Variants in PPP3CA observed in about 807,000 individuals in gnomAD.
PPP3CA encodes protein phosphatase 3 catalytic subunit alpha.
In PPP3CA, 14 loss-of-function variants were observed where a neutral mutation model predicts 66.5. The ratio of observed to expected loss-of-function variants is 0.21; its 90% CI spans 0.14 to 0.33. The LOEUF (loss-of-function observed/expected upper bound fraction) is 0.33, where lower values mean the gene tolerates loss of function less well. Ranked by LOEUF, PPP3CA falls within the 10% of genes least tolerant of loss-of-function variation. The probability of loss-of-function intolerance (pLI) is 1.00; values close to 1 mark genes in which losing one functional copy is unlikely to be tolerated. For missense variants in PPP3CA, 317 were observed against 639.5 expected, an observed-to-expected ratio of 0.50 and a Z score of 5.44; for synonymous variants, 232 against 226.2, an observed-to-expected ratio of 1.03 and a Z score of -0.23.
At chr4:101,346,199 G>A (rs1438608276) in intron 1 of PPP3CA, among the ~76,000 whole-genome samples, 2 of 152,156 alleles carry the variant, frequency 1.3e-5, no homozygotes, top group East Asian at 3.9e-4. Flanking sequence ...GAGGGGGAGG[G>A]GGAGGGGGGC....
At chr4:101,100,008 T>C (rs1488271379) in intron 3 of PPP3CA, among the ~76,000 whole-genome samples, 1 of 151,766 alleles carries the variant, frequency 6.6e-6, no homozygotes, top group African/African-American at 2.4e-5. Flanking sequence ...TTATGTGACC[T>C]GAGGAGAGTG....
At chr4:101,088,458 G>A (rs931877376) in intron 6 of PPP3CA, among the ~76,000 whole-genome samples, 2 of 151,644 alleles carry the variant, frequency 1.3e-5, no homozygotes, top group African/African-American at 2.4e-5. Flanking sequence ...GGTGGTGGGC[G>A]CCTGTAGTTC....
intron 11 of PPP3CA, among the ~76,000 whole-genome samples, chr4:101,039,603 C>T (rs938392244): frequency 6.9e-6 from 1 of 144,132 alleles, no homozygotes; most frequent in African/African-American, 2.5e-5. Context: ...TCATCCTTCT[C>T]ATGGCTACCT....
chr4:101,097,977 G>A (rs1410999337), intron 5 of PPP3CA, among the ~76,000 whole-genome samples: 2 of 152,152 alleles, frequency 1.3e-5, no homozygotes, highest in Non-Finnish European at 2.9e-5. Flanking sequence ...ACCATAAAAT[G>A]AGCACAGTTT....
intron 3 of PPP3CA, among the ~76,000 whole-genome samples, chr4:101,107,339 T>C (rs553745521): frequency 1.8e-4 from 27 of 152,322 alleles, no homozygotes; most frequent in African/African-American, 6.3e-4. Flanking sequence ...TCTAAACAGA[T>C]TTTTATGGTT....
intron 2 of PPP3CA, among the ~76,000 whole-genome samples, chr4:101,186,109 C>G (rs1020857718): frequency 6.6e-6 from 1 of 152,124 alleles, no homozygotes; most frequent in African/African-American, 2.4e-5. Flanking sequence ...ATTTCCCCAA[C>G]TGAAATGATA....
intron 8 of PPP3CA, among the ~76,000 whole-genome samples, chr4:101,078,739 C>A (rs1196103479): frequency 6.6e-6 from 1 of 152,078 alleles, no homozygotes; most frequent in Admixed American, 6.6e-5. Context: ...TTTAAAGGTG[C>A]TTGTGACCCA....
At chr4:101,186,180 C>G (rs1243274285) in intron 2 of PPP3CA, among the ~76,000 whole-genome samples, 1 of 151,988 alleles carries the variant, frequency 6.6e-6, no homozygotes. Flanking sequence ...ATAAAGACAG[C>G]CTGAGCTTTC....
intron 8 of PPP3CA, among the ~76,000 whole-genome samples, chr4:101,077,824 GTTT>G (rs74428810): frequency 7.5e-6 from 1 of 133,594 alleles, no homozygotes. Flanking sequence ...ACTGGTATCT[GTTT>G]TTTTTTTTTT....
At chr4:101,102,588 G>C (rs1200656409) in intron 3 of PPP3CA, among the ~76,000 whole-genome samples, 1 of 152,086 alleles carries the variant, frequency 6.6e-6, no homozygotes, top group African/African-American at 2.4e-5. Context: ...TGGTGGGAGA[G>C]AGCTGCCAAG....
intron 1 of PPP3CA, among the ~76,000 whole-genome samples, chr4:101,228,165 T>C (rs1725842619): frequency 6.6e-6 from 1 of 151,762 alleles, no homozygotes; most frequent in Non-Finnish European, 1.5e-5. Flanking sequence ...AAAACACTTA[T>C]GTTTCAACGA....
chr4:101,191,864 C>A (rs78245103), intron 2 of PPP3CA, among the ~76,000 whole-genome samples: 2 of 152,130 alleles, frequency 1.3e-5, no homozygotes, highest in African/African-American at 4.8e-5. Flanking sequence ...AAATGGCAGG[C>A]CCCGGCACTG....
chr4:101,334,656 G>C (rs1729568530), intron 1 of PPP3CA, among the ~76,000 whole-genome samples: 1 of 152,078 alleles, frequency 6.6e-6, no homozygotes, highest in Non-Finnish European at 1.5e-5. Context: ...TGAAATTTCA[G>C]GTATGGTAGT....
chr4:101,319,261 G>A (rs944452582), intron 1 of PPP3CA, among the ~76,000 whole-genome samples: 8 of 150,786 alleles, frequency 5.3e-5, no homozygotes, highest in Non-Finnish European at 7.4e-5. Context: ...AAAGTTAAAC[G>A]GCATTATTAC....
At chr4:101,091,600 T>C (rs980130580) in intron 6 of PPP3CA, among the ~76,000 whole-genome samples, 1 of 151,804 alleles carries the variant, frequency 6.6e-6, no homozygotes. Flanking sequence ...TAGAAAAACT[T>C]TTTTTCCCCC....
At chr4:101,299,483 T>C (rs1002277591) in intron 1 of PPP3CA, among the ~76,000 whole-genome samples, 1 of 151,942 alleles carries the variant, frequency 6.6e-6, no homozygotes, top group Non-Finnish European at 1.5e-5. Context: ...ACTGGGATTA[T>C]AGGAATGAGC....
At chr4:101,152,643 C>T (rs1723179119) in intron 2 of PPP3CA, among the ~76,000 whole-genome samples, 1 of 152,120 alleles carries the variant, frequency 6.6e-6, no homozygotes, top group Non-Finnish European at 1.5e-5. Context: ...CTCTATCATG[C>T]CATTAAGTCC....
At chr4:101,111,504 T>C (rs1263714686) in intron 2 of PPP3CA, among the ~76,000 whole-genome samples, 2 of 152,286 alleles carry the variant, frequency 1.3e-5, no homozygotes, top group South Asian at 4.1e-4. Flanking sequence ...TCAGACATTA[T>C]TTGGAATCTC....
intron 11 of PPP3CA, among the ~76,000 whole-genome samples, chr4:101,034,038 G>T (rs971180329): frequency 3.9e-5 from 6 of 151,996 alleles, no homozygotes; most frequent in Non-Finnish European, 7.4e-5. Flanking sequence ...TCATACCTAT[G>T]CCAAATCCTG....
Sources: allele counts gnomAD v4.1 joint callset (sites outside exome capture counted in the v4.1 genomes callset), GRCh38; gene constraint gnomAD v4.1.1; transcripts MANE v1.5; gene names NCBI Gene and HGNC (gene_info 2026-07-23, HGNC 2026-07-21).